The following AMBRA1 variants were observed in gnomAD, a reference collection of about 807,000 sequenced individuals.
AMBRA1 encodes the protein activating molecule in BECN1-regulated autophagy protein 1.
Under a neutral mutation model 125.4 loss-of-function variants are expected in AMBRA1, and 47 were observed. The observed-to-expected ratio is 0.37, with a 90% CI of 0.30 to 0.48. The LOEUF (loss-of-function observed/expected upper bound fraction) is 0.48. Ranked by LOEUF, AMBRA1 falls within the 20% of genes least tolerant of loss-of-function variation. AMBRA1 has a pLI of 0.99. For synonymous variants in AMBRA1, 626 were observed against 655.5 expected (o/e 0.95, Z 0.69); for missense variants, 1,331 against 1,693.4 (o/e 0.79, Z 3.76).
chr11:46,581,233 G>C (rs2044157311), intron 1 of AMBRA1, among the ~76,000 whole-genome samples: 1 of 152,124 alleles, frequency 6.6e-6, no homozygotes, highest in Non-Finnish European at 1.5e-5. Context: ...GGGACTTTGG[G>C]AGGCCAAAGC....
rs759715949 is a variant in AMBRA1, at chr11:46,397,530, T to C, written c.3817A>G (p.Thr1273Ala). ...AEGPTLHCEL[T>A]NNNHLLDGGS... is the part of the protein sequence containing the mutation. ...CCATCCAGAAGGTGGTTGTTATTGG[T>C]CAACTCGCAGTGGAGGGTTGGTCCC... Residue 1273 changes from threonine (T) to alanine (A), a missense_variant, in exon 18 of 18, where the codon ACC becomes GCC. Physicochemically the swap from Thr to Ala is moderately conservative, Grantham distance 58. Around this residue, in one of 4 missense-constraint regions of AMBRA1, gnomAD observed 144 missense variants for 133.9 expected, o/e 1.08. Coordinates refer to ENST00000683756, the MANE Select transcript of AMBRA1 (RefSeq NM_001387011.1). 2.2e-5 allele frequency: 34 copies of C among 1,543,302 alleles called. No homozygotes were observed. The East Asian group carries it at 7.5e-4, about 34-fold the overall frequency.
At chr11:46,534,398 G>A (rs1466348851) in intron 7 of AMBRA1, among the ~76,000 whole-genome samples, 1 of 151,976 alleles carries the variant, frequency 6.6e-6, no homozygotes, top group African/African-American at 2.4e-5. Context: ...GAGAGGCTGA[G>A]GCAAAAGAAT....
Position 46,542,311 on chromosome 11 carries a change from C to A in AMBRA1, c.1706G>T (p.Arg569Leu). 2 of 1,614,082 alleles carry A rather than the reference C, an allele frequency of 1.2e-6. No individual in the cohort carries two copies. The highest frequency in any genetic ancestry group is 1.7e-6 in the Non-Finnish European group (2 of 1,180,032). The change falls in exon 7 of 18, where the codon CGT becomes CTT. Residue 569 changes from arginine to leucine, a missense_variant. Transcript: ENST00000683756. The surrounding 1 kb of genome is among the most constrained non-coding windows in gnomAD (Gnocchi z 5.9). ...NLSRGHLNRC[R>L]ACHNLLTFNN... ...GAAGGTCAGGAGATTGTGGCAAGCACGACAGCGATTCAGGTGGCCACGGGA... is the reference window on the plus strand; with the variant it reads ...GAAGGTCAGGAGATTGTGGCAAGCAAGACAGCGATTCAGGTGGCCACGGGA...
At chr11:46,566,947 C>T (rs549004006) in intron 1 of AMBRA1, among the ~76,000 whole-genome samples, 15 of 152,166 alleles carry the variant, frequency 9.9e-5, no homozygotes, top group Non-Finnish European at 1.6e-4. Context: ...ACCCAGGAGG[C>T]GGAGGGTGCA....
intron 12 of AMBRA1, among the ~76,000 whole-genome samples, chr11:46,437,043 G>C (rs550023919): frequency 6.6e-6 from 1 of 152,122 alleles, no homozygotes; most frequent in Non-Finnish European, 1.5e-5. Flanking sequence ...GATCCAGCTC[G>C]TGTGTGTTAA....
chr11:46,574,953 AGTTTCCTTC>A (rs1007686368), intron 1 of AMBRA1, among the ~76,000 whole-genome samples: 2 of 152,242 alleles, frequency 1.3e-5, no homozygotes, highest in Admixed American at 1.3e-4. Context: ...TTCAAAAGTT[AGTTTCCTTC>A]CTCTTTATCT....
intron 11 of AMBRA1, among the ~76,000 whole-genome samples, chr11:46,454,769 AAAG>A (rs1467905797): frequency 6.6e-6 from 1 of 151,930 alleles, no homozygotes; most frequent in Non-Finnish European, 1.5e-5. Flanking sequence ...AAAAATAAAA[AAAG>A]AAAGAAAGAG....
intron 14 of AMBRA1, among the ~76,000 whole-genome samples, chr11:46,418,817 T>C (rs564847798): frequency 6.6e-6 from 1 of 152,260 alleles, no homozygotes; most frequent in East Asian, 1.9e-4. Flanking sequence ...GCTAACTAAC[T>C]TCATTGCTTT....
intron 7 of AMBRA1, among the ~76,000 whole-genome samples, chr11:46,529,309 C>T (rs1364596263): frequency 6.6e-6 from 1 of 152,222 alleles, no homozygotes; most frequent in Non-Finnish European, 1.5e-5. Flanking sequence ...CATTTTCCCC[C>T]TTTGGAAACA....
Position 46,582,293 on chromosome 11 carries a change from C to T in AMBRA1, c.-121+11535G>A, listed in dbSNP as rs151081658. On this transcript the variant is annotated intron_variant, in intron 1 of 17. Transcript: ENST00000683756. ...CTGAGAATTTCATACATGCTATTCC[C>T]TTCCCTTTCTATCCTTCTAGTCTCT... is the stretch of plus-strand genomic sequence containing the variant. 5.8e-3 allele frequency among the ~76,000 whole-genome samples: 885 copies of T among 152,158 alleles called. 9 individuals carry two copies. Among genetic ancestry groups the T allele is most frequent in the African/African-American group, 0.014 (568 of 41,506 alleles).
At chr11:46,459,933 A>G (rs1949024753) in intron 11 of AMBRA1, among the ~76,000 whole-genome samples, 1 of 152,232 alleles carries the variant, frequency 6.6e-6, no homozygotes, top group South Asian at 2.1e-4. Context: ...CAGGAGCCTC[A>G]GGTTCCCTCT....
At chr11:46,483,170 T>G (rs1950139192) in intron 11 of AMBRA1, among the ~76,000 whole-genome samples, 1 of 152,030 alleles carries the variant, frequency 6.6e-6, no homozygotes, top group Non-Finnish European at 1.5e-5. Flanking sequence ...ACCCAGGGAC[T>G]CCCCTCAATA....
chr11:46,510,806 T>C (rs79796688), intron 8 of AMBRA1, among the ~76,000 whole-genome samples: 3,463 of 152,168 alleles, frequency 0.023, 132 homozygotes, highest in African/African-American at 0.079. Flanking sequence ...GACCTATACA[T>C]AGTGTATAGG....
chr11:46,476,745 T>C (rs1949828737), intron 11 of AMBRA1, among the ~76,000 whole-genome samples: 2 of 152,228 alleles, frequency 1.3e-5, no homozygotes, highest in Admixed American at 1.3e-4. Flanking sequence ...AAGAAACACT[T>C]TGTGGCTTTT....
chr11:46,568,726 C>T (rs1202396919), intron 1 of AMBRA1, among the ~76,000 whole-genome samples: 1 of 149,420 alleles, frequency 6.7e-6, no homozygotes, highest in Non-Finnish European at 1.5e-5. Flanking sequence ...GAGCCGAGAC[C>T]TCACCATTGC....
chr11:46,490,206 G>A (rs1950412801), intron 11 of AMBRA1, among the ~76,000 whole-genome samples: 1 of 152,122 alleles, frequency 6.6e-6, no homozygotes, highest in Non-Finnish European at 1.5e-5. Flanking sequence ...AATTTTACCT[G>A]GTAGAGCTGC....
At chr11:46,431,526 T>C (rs1590790759) in intron 14 of AMBRA1, among the ~76,000 whole-genome samples, 1 of 152,248 alleles carries the variant, frequency 6.6e-6, no homozygotes. Context: ...TATGGAAAAG[T>C]GGAACTGTGC....
At chr11:46,418,097 C>A (rs1946632061) in intron 14 of AMBRA1, 45 bp from the exon 15 acceptor site, 5 of 1,488,018 alleles carry the variant, frequency 3.4e-6, no homozygotes, top group Non-Finnish European at 4.5e-6. Flanking sequence ...GGAGGAGAAA[C>A]AATTTGTTAC....
chr11:46,445,041 A>G (rs997503032), intron 11 of AMBRA1, among the ~76,000 whole-genome samples: 1 of 151,406 alleles, frequency 6.6e-6, no homozygotes, highest in African/African-American at 2.4e-5. Context: ...GGGGGTAAAA[A>G]TTGGTTCAAA....
Sources: allele counts gnomAD v4.1 joint callset (sites outside exome capture counted in the v4.1 genomes callset), GRCh38; gene constraint gnomAD v4.1.1; regional missense constraint gnomAD v4.1.1; non-coding constraint Gnocchi (gnomAD v3.1); transcripts MANE v1.5; gene names NCBI Gene and HGNC (gene_info 2026-07-23, HGNC 2026-07-21).